The following TRIM55 variants were observed in gnomAD, a reference collection of about 807,000 sequenced individuals.
The protein encoded by TRIM55 is tripartite motif-containing protein 55.
In TRIM55, 50 loss-of-function variants were observed where a neutral mutation model predicts 60.9. That is an observed-to-expected ratio of 0.82 (90% CI 0.65 to 1.04). The LOEUF (loss-of-function observed/expected upper bound fraction) is 1.04. Ranked by LOEUF, TRIM55 falls within the 50% of genes least tolerant of loss-of-function variation. The pLI is 0.00. For synonymous variants in TRIM55, 237 were observed against 238.1 expected, an observed-to-expected ratio of 1.00 and a Z score of 0.04; for missense variants, 681 against 666.9, an observed-to-expected ratio of 1.02 and a Z score of -0.23.
At chr8:66,137,757 T>C (rs1323156979) in intron 4 of TRIM55, among the ~76,000 whole-genome samples, 1 of 75,998 alleles carries the variant, frequency 1.3e-5, no homozygotes, top group African/African-American at 5.9e-5. Context: ...TAATCAACAC[T>C]GAAAAAAAAA....
chr8:66,126,677 C>G (rs539666165), upstream of TRIM55, among the ~76,000 whole-genome samples: 3 of 152,244 alleles, frequency 2.0e-5, no homozygotes, highest in South Asian at 6.2e-4. Context: ...CTTTGTGAAG[C>G]CAGGATAACA....
At chr8:66,122,066 T>C (rs1299264910), upstream of TRIM55, among the ~76,000 whole-genome samples, 6 of 152,020 alleles carry the variant, frequency 3.9e-5, no homozygotes, top group African/African-American at 1.4e-4. Context: ...ACCCCATGGA[T>C]TGGTGTCTGA....
chr8:66,154,079 C>T lies in TRIM55; in HGVS notation c.1269C>T (p.Thr423=). Residue 423 remains threonine (T), a synonymous_variant, in exon 9 of 10, where the codon ACC becomes ACT. Coordinates refer to ENST00000315962, the MANE Select transcript of TRIM55 (RefSeq NM_184085.2). ...TTGTACCCACTGGCTCTGAGCAGAC[C>T]ACAGAGTCTGAAACTCCAGTCCCTG... ...GEVVPTGSEQ[T]TESETPVPAA... is the part of the protein sequence containing the mutation. 1 of 1,613,906 alleles carries T rather than the reference C, an allele frequency of 6.2e-7. No homozygotes were observed. The highest frequency in any genetic ancestry group is 8.5e-7 in the Non-Finnish European group (1 of 1,179,950).
intron 9 of TRIM55, among the ~76,000 whole-genome samples, chr8:66,166,936 G>A (rs1021870353): frequency 2.6e-5 from 4 of 152,138 alleles, no homozygotes; most frequent in Non-Finnish European, 5.9e-5. Flanking sequence ...AGGATAGATC[G>A]GCACAGCCTC....
upstream of TRIM55, among the ~76,000 whole-genome samples, chr8:66,124,278 C>T (rs1194141376): frequency 6.6e-6 from 1 of 152,196 alleles, no homozygotes; most frequent in Non-Finnish European, 1.5e-5. Flanking sequence ...TCAATCTAAC[C>T]AACCACTGCT....
chr8:66,141,969 G>A (rs975370827), intron 4 of TRIM55, among the ~76,000 whole-genome samples: 5 of 152,238 alleles, frequency 3.3e-5, no homozygotes, highest in Non-Finnish European at 7.3e-5. Flanking sequence ...TATAACATAT[G>A]TTTAAAAGAA....
At chr8:66,122,998 C>T (rs1416981181), upstream of TRIM55, among the ~76,000 whole-genome samples, 1 of 152,170 alleles carries the variant, frequency 6.6e-6, no homozygotes, top group Non-Finnish European at 1.5e-5. Flanking sequence ...CTTCCTTTTG[C>T]AGGTCTTTTC....
intron 7 of TRIM55, 99 bp downstream of exon 7, chr8:66,150,565 A>G: frequency 7.2e-7 from 1 of 1,382,218 alleles, no homozygotes; most frequent in Non-Finnish European, 1.0e-6. Flanking sequence ...TCACCTCCAG[A>G]ATCAATGTCG....
chr8:66,121,006 C>T, the TRIM55 span, among the ~76,000 whole-genome samples: 1 of 152,150 alleles, frequency 6.6e-6, no homozygotes, highest in Non-Finnish European at 1.5e-5. Context: ...GTCAGAATTC[C>T]ATTGCAGATC....
At chr8:66,117,129 G>A in the TRIM55 span, among the ~76,000 whole-genome samples, 1 of 152,226 alleles carries the variant, frequency 6.6e-6, no homozygotes, top group Non-Finnish European at 1.5e-5. Flanking sequence ...CAAATTTGGA[G>A]GGGAAGGGAA....
chr8:66,165,253 A>C (rs1811265421), intron 9 of TRIM55, among the ~76,000 whole-genome samples: 1 of 152,236 alleles, frequency 6.6e-6, no homozygotes, highest in Non-Finnish European at 1.5e-5. Context: ...TTGCAAAAAG[A>C]TAAAAGCATT....
intron 2 of TRIM55, among the ~76,000 whole-genome samples, chr8:66,134,274 A>G (rs1809346384): frequency 6.6e-6 from 1 of 152,228 alleles, no homozygotes; most frequent in African/African-American, 2.4e-5. Flanking sequence ...TCTGAAAACT[A>G]TTAGCAGCCT....
chr8:66,114,387 ATGAG>A, the TRIM55 span, among the ~76,000 whole-genome samples: 1 of 152,154 alleles, frequency 6.6e-6, no homozygotes, highest in East Asian at 1.9e-4. Context: ...TTCCCAGACA[ATGAG>A]TGGTGGGCGC....
intron 7 of TRIM55, among the ~76,000 whole-genome samples, chr8:66,150,684 T>TC (rs1810368279): frequency 1.3e-5 from 2 of 152,268 alleles, no homozygotes; most frequent in African/African-American, 4.8e-5. Context: ...TTTTTTTTTT[T>TC]TTGATGGACT....
rs1586182635 is a variant in TRIM55, at chr8:66,136,193, G to GGAT, written c.508-900_508-898dup. On this transcript the variant is annotated intron_variant, in intron 3 of 9. Coordinates refer to ENST00000315962, the MANE Select transcript of TRIM55 (RefSeq NM_184085.2). ...CCCCAAAGCATAGCATAATAGAACT[G>GGAT]GATGGTAGCTGTTTCACACTCCTTC... 2.6e-5 allele frequency among the ~76,000 whole-genome samples: 4 copies of GGAT among 152,124 alleles called. No individual in the cohort carries two copies. In the East Asian group the frequency reaches 7.7e-4, roughly 29 times the overall value.
chr8:66,140,510 C>T lies in TRIM55; in HGVS notation c.603+3320C>T, dbSNP rs146518144. 1.8e-3 allele frequency among the ~76,000 whole-genome samples: 273 copies of T among 152,300 alleles called. 2 individuals are homozygous for T. Among genetic ancestry groups the T allele is most frequent in the South Asian group, 0.012 (57 of 4,814 alleles). The stretch of plus-strand genomic sequence containing the variant: ...ATGGAGGTCTCCGACTTTATGAATC[C>T]CTCTTGACACATTAACCTTTGTTTG... On this transcript the variant is annotated intron_variant, in intron 4 of 9. Transcript: ENST00000315962.
At chr8:66,142,815 G>A (rs760632614) in intron 4 of TRIM55, among the ~76,000 whole-genome samples, 41 of 152,196 alleles carry the variant, frequency 2.7e-4, no homozygotes, top group African/African-American at 2.4e-5. Context: ...AGAAGTTGGT[G>A]TCTCTGTAGT....
the TRIM55 span, chr8:66,115,107 C>T: frequency 1.9e-5 from 3 of 154,410 alleles, no homozygotes; most frequent in Non-Finnish European, 4.3e-5. Context: ...CCGCGCAGTT[C>T]TTACAAGACA....
At chr8:66,114,079 G>GCCC in the TRIM55 span, among the ~76,000 whole-genome samples, 1 of 53,760 alleles carries the variant, frequency 1.9e-5, no homozygotes, top group African/African-American at 5.8e-5. Flanking sequence ...TCGAAGGAGA[G>GCCC]ACACCCCCCC....
Sources: allele counts gnomAD v4.1 joint callset (sites outside exome capture counted in the v4.1 genomes callset), GRCh38; gene constraint gnomAD v4.1.1; transcripts MANE v1.5; gene names NCBI Gene and HGNC (gene_info 2026-07-23, HGNC 2026-07-21).